SDK1: variants seen among roughly 807,000 people sequenced by gnomAD.
SDK1 encodes the protein sidekick cell adhesion molecule 1.
Under a neutral mutation model 245.5 loss-of-function variants are expected in SDK1, and 157 were observed. The ratio of observed to expected loss-of-function variants is 0.64; its 90% CI spans 0.56 to 0.73. SDK1 has a LOEUF of 0.73. SDK1 is among the 30% of genes least tolerant of loss of function. The pLI is 0.00. For missense variants in SDK1, 3,583 were observed against 3,002.3 expected, an observed-to-expected ratio of 1.19 and a Z score of -4.52; for synonymous variants, 1,647 against 1,278.5, an observed-to-expected ratio of 1.29 and a Z score of -6.15.
At chr7:4,052,023 G>C (rs915514654) in intron 19 of SDK1, among the ~76,000 whole-genome samples, 193 bp downstream of exon 19, 2 of 152,262 alleles carry the variant, frequency 1.3e-5, no homozygotes, top group East Asian at 1.9e-4. Context: ...CACGTGGACA[G>C]TGGAGGGTGG....
intron 2 of SDK1, among the ~76,000 whole-genome samples, chr7:3,626,761 G>C (rs1991757): frequency 0.23 from 35,692 of 152,066 alleles, 5,179 homozygotes; most frequent in East Asian, 0.46. Context: ...AGTTCACAAA[G>C]TGAGTAGGAT....
chr7:3,720,353 A>C (rs1277351801), intron 4 of SDK1, among the ~76,000 whole-genome samples: 2 of 152,232 alleles, frequency 1.3e-5, no homozygotes, highest in Non-Finnish European at 2.9e-5. Context: ...ATATACTAGA[A>C]TATATTGAAT....
In SDK1 at chr7:3,561,784, G is replaced by A. The variant is rs377580232; in HGVS notation, c.299-57296G>A. Among the ~76,000 whole-genome samples the A allele has an allele frequency of 2.4e-4, 37 of 152,278 alleles. 1 individual carries two copies. In the East Asian group the frequency reaches 6.0e-3, roughly 25 times the overall value. ...TTCCAGAATACACTGTTTCTAACAA[G>A]CAAGCTGAATAAATTTCTCTGAATC... On this transcript the variant is annotated intron_variant, in intron 1 of 44. Coordinates refer to ENST00000404826, the MANE Select transcript of SDK1 (RefSeq NM_152744.4).
chr7:3,374,949 T>C (rs1390248037), intron 1 of SDK1, among the ~76,000 whole-genome samples: 1 of 152,244 alleles, frequency 6.6e-6, no homozygotes, highest in African/African-American at 2.4e-5. Flanking sequence ...TGTGTCTCTT[T>C]AGTTCACTAT....
intron 3 of SDK1, among the ~76,000 whole-genome samples, chr7:3,639,999 A>G (rs569965827): frequency 1.3e-5 from 2 of 152,138 alleles, no homozygotes; most frequent in East Asian, 1.9e-4. Context: ...GGTGTGTGCC[A>G]CCATGCCTGG....
At chr7:3,464,328 A>G (rs1408084018) in intron 1 of SDK1, among the ~76,000 whole-genome samples, 6 of 152,282 alleles carry the variant, frequency 3.9e-5, no homozygotes, top group African/African-American at 1.2e-4. Flanking sequence ...GTTCTAGGCC[A>G]GCCTGAGTAA....
At position 4,220,096 on chromosome 7, in the gene SDK1, C is replaced by G; in HGVS notation, c.5540-13C>G. 2 of 1,611,176 alleles carry G rather than the reference C, an allele frequency of 1.2e-6. No homozygotes were observed. The highest frequency in any genetic ancestry group is 2.2e-5 in the East Asian group (1 of 44,806). ...CTGAACCCCCTTGTTTCCTTTGCTT[C>G]TGGCGGCTGCAGGGGTGAGCAAGGT... On this transcript the variant is annotated splice_polypyrimidine_tract_variant and intron_variant, in intron 38 of 44. Coordinates refer to ENST00000404826, the MANE Select transcript of SDK1 (RefSeq NM_152744.4).
In SDK1 at chr7:4,265,339, C is replaced by T. The variant is rs763704063; in HGVS notation, c.6597C>T (p.Gly2199=). The T allele has an allele frequency of 4.1e-6, 6 of 1,469,260 alleles. No individual in the cohort carries two copies. Among genetic ancestry groups the T allele is most frequent in the Non-Finnish European group, 4.4e-6 (5 of 1,123,674 alleles). The allele number at this position is 1,469,260 out of a possible 1,614,324, so 91.0% of individuals were successfully genotyped here. A position where few individuals can be genotyped will look rare whatever the true frequency, so the allele number is the denominator to read the frequency against. The change falls in exon 45 of 45, where the codon GGC becomes GGT. Residue 2199 remains glycine (G), a synonymous_variant. Coordinates refer to ENST00000404826, the MANE Select transcript of SDK1 (RefSeq NM_152744.4). ...CGGGCGGCGTCTACACCCCCGCTGG[C>T]CCCGGCGCGCGAACTCCGCTCACCG... is the stretch of plus-strand genomic sequence containing the variant. The part of the protein sequence containing the change: ...QSAGGVYTPA[G]PGARTPLTGF...
intron 4 of SDK1, among the ~76,000 whole-genome samples, chr7:3,677,173 G>T (rs749353590): frequency 8.5e-5 from 13 of 152,104 alleles, no homozygotes; most frequent in Non-Finnish European, 1.9e-4. Flanking sequence ...CTCCCACAGG[G>T]ATTCTGCTCT....
intron 1 of SDK1, among the ~76,000 whole-genome samples, chr7:3,471,407 A>AT (rs771540520): frequency 5.9e-5 from 9 of 152,170 alleles, no homozygotes; most frequent in Non-Finnish European, 1.2e-4. Flanking sequence ...CTGCAAAATC[A>AT]TTATCATCTC....
chr7:3,962,007 A>G (rs1052757423), intron 8 of SDK1, among the ~76,000 whole-genome samples: 1 of 149,762 alleles, frequency 6.7e-6, no homozygotes, highest in African/African-American at 2.5e-5. Flanking sequence ...ACACATACAC[A>G]CATGTAAACA....
intron 18 of SDK1, among the ~76,000 whole-genome samples, chr7:4,050,881 T>C (rs967431574): frequency 2.4e-4 from 35 of 144,440 alleles, no homozygotes; most frequent in Non-Finnish European, 4.2e-4. Context: ...ATATATTATA[T>C]ATACCATATA....
At chr7:4,079,715 G>T in intron 22 of SDK1, 131 bp downstream of exon 22, 1 of 1,320,914 alleles carries the variant, frequency 7.6e-7, no homozygotes, top group Non-Finnish European at 1.1e-6. Flanking sequence ...GGAGAACCAG[G>T]GGCTGGAGAT....
chr7:3,602,774 T>A (rs1260857581), intron 1 of SDK1, among the ~76,000 whole-genome samples: 6 of 151,088 alleles, frequency 4.0e-5, no homozygotes, highest in South Asian at 2.1e-4. Context: ...TCAATGGTAT[T>A]GCCTAGGTTT....
intron 1 of SDK1, among the ~76,000 whole-genome samples, chr7:3,420,410 T>C (rs936236078): frequency 6.6e-6 from 1 of 152,212 alleles, no homozygotes; most frequent in African/African-American, 2.4e-5. Context: ...TTCTCACCAA[T>C]TTTTCTTTCA....
At chr7:4,138,193 C>T (rs1779222317) in intron 28 of SDK1, among the ~76,000 whole-genome samples, 1 of 152,180 alleles carries the variant, frequency 6.6e-6, no homozygotes. Flanking sequence ...GCTTTGCAAT[C>T]TGCATACATT....
intron 4 of SDK1, among the ~76,000 whole-genome samples, chr7:3,743,749 A>C (rs145592144): frequency 1.8e-3 from 272 of 152,268 alleles, no homozygotes; most frequent in Non-Finnish European, 2.8e-3. Flanking sequence ...GTGTGTACGA[A>C]AAAAATGATA....
At chr7:4,225,962 C>T (rs1008061018) in intron 40 of SDK1, among the ~76,000 whole-genome samples, 7 of 152,132 alleles carry the variant, frequency 4.6e-5, no homozygotes, top group Non-Finnish European at 1.0e-4. Flanking sequence ...CGTGTTCTTT[C>T]ATGGGAAGTT....
intron 4 of SDK1, among the ~76,000 whole-genome samples, chr7:3,691,240 TTTC>T (rs1360437410): frequency 6.6e-6 from 1 of 152,316 alleles, no homozygotes; most frequent in East Asian, 1.9e-4. Flanking sequence ...AGGCTCCAAT[TTTC>T]TTAAGTTGTT....
Sources: allele counts gnomAD v4.1 joint callset (sites outside exome capture counted in the v4.1 genomes callset), GRCh38; gene constraint gnomAD v4.1.1; transcripts MANE v1.5; gene names NCBI Gene and HGNC (gene_info 2026-07-23, HGNC 2026-07-21).